The following NKAIN2 variants were observed in gnomAD, a reference collection of about 807,000 sequenced individuals.
The protein encoded by NKAIN2 is sodium/potassium-transporting ATPase subunit beta-1-interacting protein 2.
NKAIN2 carries 14 observed loss-of-function variants against 32.6 expected under a neutral mutation model. The ratio of observed to expected loss-of-function variants is 0.43; its 90% CI spans 0.28 to 0.67. The LOEUF (loss-of-function observed/expected upper bound fraction) is 0.67, where lower values mean the gene tolerates loss of function less well. NKAIN2 is among the 30% of genes least tolerant of loss of function. The pLI, the probability that NKAIN2 is intolerant of heterozygous loss-of-function variation, is 0.17. For synonymous variants in NKAIN2, 80 were observed against 87.2 expected (o/e 0.92, Z 0.46); for missense variants, 198 against 258.3 (o/e 0.77, Z 1.60).
intron 1 of NKAIN2, among the ~76,000 whole-genome samples, chr6:124,059,248 C>T (rs1004452682): frequency 8.5e-5 from 13 of 152,104 alleles, no homozygotes; most frequent in Admixed American, 3.9e-4. Flanking sequence ...CCATTCTCTA[C>T]AAGCTTCTAT....
intron 4 of NKAIN2, among the ~76,000 whole-genome samples, chr6:124,764,710 G>A (rs1360532436): frequency 6.6e-6 from 1 of 152,048 alleles, no homozygotes; most frequent in East Asian, 1.9e-4. Context: ...TCTTTGAGTC[G>A]ATACCTTTGA....
At chr6:124,524,290 T>C (rs1201620646) in intron 3 of NKAIN2, among the ~76,000 whole-genome samples, 1 of 152,218 alleles carries the variant, frequency 6.6e-6, no homozygotes, top group Non-Finnish European at 1.5e-5. Flanking sequence ...CAAATAAAAA[T>C]AGTCCTTTCC....
chr6:124,677,236 T>G (rs1436684893), intron 4 of NKAIN2, among the ~76,000 whole-genome samples: 1 of 152,234 alleles, frequency 6.6e-6, no homozygotes, highest in East Asian at 1.9e-4. Flanking sequence ...TCCAAAGTGC[T>G]GGGATTACAG....
At chr6:123,816,125 G>A (rs1773684115) in intron 1 of NKAIN2, among the ~76,000 whole-genome samples, 1 of 152,090 alleles carries the variant, frequency 6.6e-6, no homozygotes, top group South Asian at 2.1e-4. Context: ...AATGATGGTA[G>A]TAGAAAGGTG....
chr6:124,710,526 C>G (rs571092740), intron 4 of NKAIN2, among the ~76,000 whole-genome samples: 1 of 151,974 alleles, frequency 6.6e-6, no homozygotes, highest in Non-Finnish European at 1.5e-5. Flanking sequence ...GTATTGGGTG[C>G]GTATATATTT....
chr6:123,903,319 G>A (rs1774696010), intron 1 of NKAIN2, among the ~76,000 whole-genome samples: 1 of 152,124 alleles, frequency 6.6e-6, no homozygotes, highest in South Asian at 2.1e-4. Context: ...TGCTGATGGA[G>A]AAAGTGCTTC....
At chr6:124,748,954 C>T (rs558347732) in intron 4 of NKAIN2, among the ~76,000 whole-genome samples, 14 of 151,924 alleles carry the variant, frequency 9.2e-5, no homozygotes, top group Admixed American at 5.3e-4. Context: ...TATTGTCTCA[C>T]GACTTCTGTA....
chr6:124,127,018 G>T (rs1442604574), intron 1 of NKAIN2, among the ~76,000 whole-genome samples: 1 of 152,028 alleles, frequency 6.6e-6, no homozygotes, highest in Non-Finnish European at 1.5e-5. Flanking sequence ...AGCTATGAAG[G>T]ATGATATGAT....
chr6:124,051,424 T>C (rs1404421231), intron 1 of NKAIN2, among the ~76,000 whole-genome samples: 1 of 152,010 alleles, frequency 6.6e-6, no homozygotes, highest in African/African-American at 2.4e-5. Flanking sequence ...GGCCATTTAT[T>C]TTTGTTTTTT....
intron 1 of NKAIN2, among the ~76,000 whole-genome samples, chr6:124,050,967 T>C (rs988081581): frequency 2.6e-5 from 4 of 152,078 alleles, no homozygotes; most frequent in African/African-American, 9.7e-5. Context: ...GAAAAATACA[T>C]GTGATTCAAA....
In NKAIN2 at chr6:124,042,447, T is replaced by C. The variant is rs1406925435; in HGVS notation, c.54+238193T>C. 3.3e-5 allele frequency among the ~76,000 whole-genome samples: 5 copies of C among 152,178 alleles called. No homozygotes were observed. In the East Asian group the frequency reaches 9.7e-4, roughly 30 times the overall value. On this transcript the variant is annotated intron_variant, in intron 1 of 6. Transcript: ENST00000368417. ...GCTGCCAAGGGCTTCCAAATATTATTGCATTATTTAGAAGATCATTTCCTT... is the reference window on the plus strand; with the variant it reads ...GCTGCCAAGGGCTTCCAAATATTATCGCATTATTTAGAAGATCATTTCCTT...
intron 1 of NKAIN2, among the ~76,000 whole-genome samples, chr6:124,122,672 A>G (rs1437617111): frequency 6.6e-6 from 1 of 152,138 alleles, no homozygotes; most frequent in Non-Finnish European, 1.5e-5. Context: ...TGAAAACAGC[A>G]GAAAGACTCC....
chr6:124,142,983 A>G (rs1787217315), intron 1 of NKAIN2, among the ~76,000 whole-genome samples: 2 of 152,210 alleles, frequency 1.3e-5, no homozygotes, highest in Admixed American at 6.5e-5. Flanking sequence ...GTACTTAACC[A>G]TTATATGAGT....
intron 3 of NKAIN2, among the ~76,000 whole-genome samples, chr6:124,460,776 AT>A (rs1776501516): frequency 6.6e-6 from 1 of 151,698 alleles, no homozygotes; most frequent in Admixed American, 6.6e-5. Context: ...GCTCTGGAAA[AT>A]TATTAATCAT....
chr6:124,642,456 A>G (rs1562300643), intron 3 of NKAIN2, among the ~76,000 whole-genome samples: 1 of 152,218 alleles, frequency 6.6e-6, no homozygotes, highest in East Asian at 1.9e-4. Flanking sequence ...AGCCATGACT[A>G]ATAACAATTT....
intron 1 of NKAIN2, among the ~76,000 whole-genome samples, chr6:124,038,883 C>T (rs1394853394): frequency 6.6e-6 from 1 of 152,036 alleles, no homozygotes; most frequent in African/African-American, 2.4e-5. Flanking sequence ...AATTGCTGTA[C>T]CAGAACGAGG....
At chr6:124,556,306 A>C (rs892572072) in intron 3 of NKAIN2, among the ~76,000 whole-genome samples, 8 of 152,210 alleles carry the variant, frequency 5.3e-5, no homozygotes, top group Non-Finnish European at 1.0e-4. Flanking sequence ...ACATATAGAT[A>C]GGGTGCTGTG....
intron 3 of NKAIN2, among the ~76,000 whole-genome samples, chr6:124,610,438 C>G (rs1288307734): frequency 6.6e-6 from 1 of 152,070 alleles, no homozygotes; most frequent in Non-Finnish European, 1.5e-5. Context: ...TATTTTTGTG[C>G]TTTTGACTTA....
At chr6:124,397,818 C>G (rs1361732365) in intron 3 of NKAIN2, among the ~76,000 whole-genome samples, 1 of 151,860 alleles carries the variant, frequency 6.6e-6, no homozygotes, top group African/African-American at 2.4e-5. Flanking sequence ...TTTCAGTGGT[C>G]AAGAGGGAAT....
Sources: allele counts gnomAD v4.1 joint callset (sites outside exome capture counted in the v4.1 genomes callset), GRCh38; gene constraint gnomAD v4.1.1; transcripts MANE v1.5; gene names NCBI Gene and HGNC (gene_info 2026-07-23, HGNC 2026-07-21).